Variants in NUBP1 observed in about 807,000 individuals in gnomAD.
The protein encoded by NUBP1 is cytosolic Fe-S cluster assembly factor NUBP1.
NUBP1 carries 46 observed loss-of-function variants against 41.8 expected under a neutral mutation model. That is an observed-to-expected ratio of 1.10 (90% CI 0.87 to 1.41). The LOEUF (loss-of-function observed/expected upper bound fraction) is 1.41, where lower values mean the gene tolerates loss of function less well. Ranked by LOEUF, NUBP1 falls within the 40% of genes most tolerant of loss-of-function variation. NUBP1 has a pLI of 0.00. For missense variants in NUBP1, 494 were observed against 414.0 expected, an observed-to-expected ratio of 1.19 and a Z score of -1.68; for synonymous variants, 189 against 154.6, an observed-to-expected ratio of 1.22 and a Z score of -1.65.
intron 2 of NUBP1, among the ~76,000 whole-genome samples, chr16:10,745,135 T>C (rs886314153): frequency 1.3e-5 from 2 of 151,344 alleles, no homozygotes; most frequent in African/African-American, 2.4e-5. Flanking sequence ...CCTTCAGCAA[T>C]AGTCCTAACC....
chr16:10,768,185 C>A lies in NUBP1; in HGVS notation c.904+153C>A, dbSNP rs914028947. 5 of 603,834 alleles carry A rather than the reference C, an allele frequency of 8.3e-6. No individual in the cohort carries two copies. The African/African-American group carries it at 9.3e-5, about 11-fold the overall frequency. The allele number at this position is 603,834 out of a possible 1,614,324, so 37.4% of individuals were successfully genotyped here. The stretch of plus-strand genomic sequence containing the variant: ...AGGAAGCCAGGAGTCCATGAGAAAT[C>A]TCTCAATGTGTGAGTATTGTGAATT... On this transcript the variant is annotated intron_variant, in intron 10 of 10. Coordinates refer to ENST00000283027, the MANE Select transcript of NUBP1 (RefSeq NM_002484.4). The surrounding 1 kb of genome is among the most constrained non-coding windows in gnomAD (Gnocchi z 4.3).
intron 3 of NUBP1, among the ~76,000 whole-genome samples, chr16:10,750,097 C>T (rs1291914051): frequency 6.6e-6 from 1 of 152,184 alleles, no homozygotes; most frequent in Admixed American, 6.5e-5. Flanking sequence ...ACTCAGGAGA[C>T]TGAGGTAGGA....
chr16:10,758,965 T>C (rs1445649033), intron 7 of NUBP1, among the ~76,000 whole-genome samples: 1 of 152,146 alleles, frequency 6.6e-6, no homozygotes, highest in Admixed American at 6.5e-5. Context: ...CATGGTGCTA[T>C]CCATCTCAGG....
intron 3 of NUBP1, among the ~76,000 whole-genome samples, chr16:10,750,193 A>T (rs1900256950): frequency 6.6e-6 from 1 of 152,146 alleles, no homozygotes; most frequent in African/African-American, 2.4e-5. Flanking sequence ...GTGAGACTCT[A>T]CCTCAAAAAC....
rs1900662411 is a variant in NUBP1, at chr16:10,757,850, C to G, written c.452-23C>G. On this transcript the variant is annotated intron_variant, in intron 6 of 10. Coordinates refer to ENST00000283027, the MANE Select transcript of NUBP1 (RefSeq NM_002484.4). This position sits in a 1 kb window ranked among gnomAD's most constrained non-coding sequence, Gnocchi z 4.1. ...CAGAAAAGAAAGGAAAAGTAAGCAT[C>G]CCCTGTGGATTCCTCTTTCTAGGCA... 2 of 1,605,026 alleles carry G rather than the reference C, an allele frequency of 1.2e-6. No homozygotes were observed. The highest frequency in any genetic ancestry group is 2.7e-5 in the African/African-American group (2 of 74,804).
In NUBP1 at chr16:10,743,898, G is replaced by A. The variant is rs1286145267; in HGVS notation, c.19+16G>A. 2 of 1,572,426 alleles carry A rather than the reference G, an allele frequency of 1.3e-6. No individual in the cohort carries two copies. Among genetic ancestry groups the A allele is most frequent in the Non-Finnish European group, 1.7e-6 (2 of 1,160,828 alleles). Reference sequence around the variant, plus strand: ...GTGCCTCACGGTAAGCTCGCGGAGGGGGCGTGGGTCGCGGGGCGAAAGTGT... The same window carrying A: ...GTGCCTCACGGTAAGCTCGCGGAGGAGGCGTGGGTCGCGGGGCGAAAGTGT... On this transcript the variant is annotated intron_variant, in intron 1 of 10. Transcript: ENST00000283027.
Position 10,761,820 on chromosome 16 carries a change from G to T in NUBP1, c.781G>T (p.Val261Phe), listed in dbSNP as rs754986223. The stretch of plus-strand genomic sequence containing the variant: ...GGAGCTCATGTGCCAGGACTTGGAG[G>T]TCCCTCTCCTCGGCAGAGTGCCCCT... The part of the protein sequence containing the change: ...GAELMCQDLE[V>F]PLLGRVPLDP... Residue 261 changes from valine (V) to phenylalanine (F), a missense_variant, in exon 9 of 11, where the codon GTC becomes TTC. Val to Phe is a conservative substitution (Grantham distance 50, BLOSUM62 -1). Coordinates refer to ENST00000283027, the MANE Select transcript of NUBP1 (RefSeq NM_002484.4). 2.5e-6 allele frequency: 4 copies of T among 1,614,124 alleles called. No homozygotes were observed. In the East Asian group the frequency reaches 8.9e-5, roughly 36 times the overall value.
At chr16:10,755,119 G>C (rs1387896933) in intron 4 of NUBP1, among the ~76,000 whole-genome samples, 2 of 152,188 alleles carry the variant, frequency 1.3e-5, no homozygotes, top group Non-Finnish European at 2.9e-5. Flanking sequence ...CTCATTCAAT[G>C]GGTGAGTCAT....
In NUBP1 at chr16:10,768,781, T is replaced by C. The variant is rs980399866; in HGVS notation, c.905-266T>C. 1.3e-4 allele frequency: 50 copies of C among 386,020 alleles called. No homozygotes were observed. Among genetic ancestry groups the C allele is most frequent in the Non-Finnish European group, 1.8e-4 (38 of 216,390 alleles). The allele number at this position is 386,020 out of a possible 1,614,324, so 23.9% of individuals were successfully genotyped here. A position where few individuals can be genotyped will look rare whatever the true frequency, so the allele number is the denominator to read the frequency against. ...GGGTTTTACTTGCCTAGAAGAATGATGTCAAGGGTAAGGAAACAGCATTCC... is the reference window on the plus strand; with the variant it reads ...GGGTTTTACTTGCCTAGAAGAATGACGTCAAGGGTAAGGAAACAGCATTCC... On this transcript the variant is annotated intron_variant, in intron 10 of 10. Coordinates refer to ENST00000283027, the MANE Select transcript of NUBP1 (RefSeq NM_002484.4). This position sits in a 1 kb window ranked among gnomAD's most constrained non-coding sequence, Gnocchi z 4.3.
At chr16:10,760,916 C>T (rs1478679811) in intron 7 of NUBP1, 1 of 177,032 alleles carries the variant, frequency 5.6e-6, no homozygotes, top group Non-Finnish European at 1.2e-5. Context: ...ACTGGGTAAC[C>T]TATAAGGGAA....
chr16:10,752,799 G>C, intron 4 of NUBP1, 121 bp downstream of exon 4: 1 of 865,298 alleles, frequency 1.2e-6, no homozygotes, highest in Non-Finnish European at 1.8e-6. Flanking sequence ...TTGTTGTTTT[G>C]TTTTGTTGTT....
In NUBP1 at chr16:10,752,535, C is replaced by T. The variant is rs1900366178; in HGVS notation, c.259-75C>T. 8 of 1,210,770 alleles carry T rather than the reference C, an allele frequency of 6.6e-6. No individual in the cohort carries two copies. The South Asian group carries it at 8.6e-5, about 13-fold the overall frequency. The allele number at this position is 1,210,770 out of a possible 1,614,324, so 75.0% of individuals were successfully genotyped here. A position where few individuals can be genotyped will look rare whatever the true frequency, so the allele number is the denominator to read the frequency against. On this transcript the variant is annotated intron_variant, in intron 3 of 10. Coordinates refer to ENST00000283027, the MANE Select transcript of NUBP1 (RefSeq NM_002484.4). Reference sequence around the variant, plus strand: ...CCCCTGTCCTTTTCCTCTAACCCCGCTCCCCTCCTAGTTGTGTGTGTCTGG... The same window carrying T: ...CCCCTGTCCTTTTCCTCTAACCCCGTTCCCCTCCTAGTTGTGTGTGTCTGG...
rs745484560 is a variant in NUBP1, at chr16:10,756,830, T to C, written c.451+50T>C. On this transcript the variant is annotated intron_variant, in intron 6 of 10. Transcript: ENST00000283027. ...CTCTCACATTCTTCCACGAGCGTTG[T>C]GGCTCTTGGCTTTATCTGCTCCCTG... The C allele has an allele frequency of 9.6e-6, 14 of 1,465,010 alleles. No individual in the cohort carries two copies. In the East Asian group the frequency reaches 3.5e-4, roughly 37 times the overall value. 90.8% of individuals were successfully genotyped at this position (1,465,010 alleles called of 1,614,324 possible). A position where few individuals can be genotyped will look rare whatever the true frequency, so the allele number is the denominator to read the frequency against.
chr16:10,752,531 C>A (rs1241872495), intron 3 of NUBP1, 79 bp from the exon 4 acceptor site: 2 of 1,171,646 alleles, frequency 1.7e-6, no homozygotes, highest in East Asian at 2.4e-5. Context: ...TTCCTCTAAC[C>A]CCGCTCCCCT....
At chr16:10,753,510 G>A (rs1900418950) in intron 4 of NUBP1, among the ~76,000 whole-genome samples, 2 of 152,232 alleles carry the variant, frequency 1.3e-5, no homozygotes, top group South Asian at 4.1e-4. Flanking sequence ...CCCAAGGGCA[G>A]TGCATGGAAG....
At position 10,769,065 on chromosome 16, in the gene NUBP1, A is replaced by G. The variant is rs2031314812; in HGVS notation, c.923A>G (p.Asn308Ser). 1.9e-6 allele frequency: 3 copies of G among 1,613,892 alleles called. No individual in the cohort carries two copies. Among genetic ancestry groups the G allele is most frequent in the Non-Finnish European group, 2.5e-6 (3 of 1,180,002 alleles). The change falls in exon 11 of 11, where the codon AAT becomes AGT. Residue 308 changes from asparagine (N) to serine (S), a missense_variant. Transcript: ENST00000283027. ...TTTCCAGGAATCCAAGAGTTTTGTA[A>G]TCTCCATCAGTCAAAAGAAGAGAAC... The part of the protein sequence containing the change: ...SIIQRIQEFC[N>S]LHQSKEENLI...
In NUBP1 at chr16:10,756,678, T is replaced by G; in HGVS notation, c.361-12T>G. The G allele has an allele frequency of 3.9e-6, 6 of 1,543,800 alleles. No individual in the cohort carries two copies. The highest frequency in any genetic ancestry group is 4.3e-6 in the Non-Finnish European group (5 of 1,153,792). On this transcript the variant is annotated splice_polypyrimidine_tract_variant and intron_variant, in intron 5 of 10. Coordinates refer to ENST00000283027, the MANE Select transcript of NUBP1 (RefSeq NM_002484.4). ...TAAAGCGTGTCTTGCCCTCACCCTGTTCCCTCTGCAGTACGTGGAAGACAA... is the reference window on the plus strand; with the variant it reads ...TAAAGCGTGTCTTGCCCTCACCCTGGTCCCTCTGCAGTACGTGGAAGACAA...
chr16:10,749,730 C>T lies in NUBP1; in HGVS notation c.258+2454C>T, dbSNP rs578139843. ...CATGCCCTGACCTTTTTCTGCCTGCCATCTGGTGGAAGCTTGGCTCTAACT... is the reference window on the plus strand; with the variant it reads ...CATGCCCTGACCTTTTTCTGCCTGCTATCTGGTGGAAGCTTGGCTCTAACT... On this transcript the variant is annotated intron_variant, in intron 3 of 10. Transcript: ENST00000283027. The surrounding 1 kb of genome is among the most constrained non-coding windows in gnomAD (Gnocchi z 4.1). 6.6e-6 allele frequency among the ~76,000 whole-genome samples: 1 copy of T among 152,304 alleles called. No homozygotes were observed. The highest frequency in any genetic ancestry group is 2.1e-4 in the South Asian group (1 of 4,826).
In NUBP1 at chr16:10,743,972, G is replaced by A. The variant is rs753941946; in HGVS notation, c.31G>A (p.Ala11Thr). 3.2e-6 allele frequency: 5 copies of A among 1,584,210 alleles called. No individual in the cohort carries two copies. Among genetic ancestry groups the A allele is most frequent in the South Asian group, 1.2e-5 (1 of 86,940 alleles). Residue 11 changes from alanine (A) to threonine (T), a missense_variant, in exon 2 of 11, where the codon GCC (alanine) becomes ACC (threonine). By Grantham distance (58) the Ala-to-Thr change is moderately conservative. Coordinates refer to ENST00000283027, the MANE Select transcript of NUBP1 (RefSeq NM_002484.4). ...TTGTCTCTGCGCAGACTGTCCAGGG[G>A]CCGACAGCGCCCAGGCGGGCAGAGG... Reference protein sequence around the residue: MEEVPHDCPGADSAQAGRGAS... With the variant: MEEVPHDCPGTDSAQAGRGAS...
Sources: gnomAD v4.1 joint callset for allele counts (sites outside exome capture counted in the v4.1 genomes callset) on GRCh38, gnomAD v4.1.1 for gene constraint, Gnocchi (gnomAD v3.1) non-coding constraint, MANE v1.5 for transcripts, NCBI Gene and HGNC (gene_info 2026-07-23, HGNC 2026-07-21) for gene names.